Variants in HEATR5A observed in about 807,000 individuals in gnomAD.
HEATR5A encodes HEAT repeat containing 5A, also known as HEAT repeat-containing protein 5A.
In HEATR5A, 178 loss-of-function variants were observed where a neutral mutation model predicts 218.8. The ratio of observed to expected loss-of-function variants is 0.81; its 90% CI spans 0.72 to 0.92. The LOEUF (loss-of-function observed/expected upper bound fraction) is 0.92, where lower values mean the gene tolerates loss of function less well. HEATR5A is among the 40% of genes least tolerant of loss of function. The pLI is 0.00. For missense variants in HEATR5A, 2,420 were observed against 2,418.9 expected (o/e 1.00, Z -0.01); for synonymous variants, 864 against 871.6 (o/e 0.99, Z 0.15).
At chr14:31,405,978 A>T (rs998377275) in intron 1 of HEATR5A, among the ~76,000 whole-genome samples, 1 of 152,212 alleles carries the variant, frequency 6.6e-6, no homozygotes, top group Non-Finnish European at 1.5e-5. Flanking sequence ...AAGGAAGTAG[A>T]CAATTCATGT....
chr14:31,415,165 C>T (rs545933823), intron 1 of HEATR5A, among the ~76,000 whole-genome samples: 1 of 152,150 alleles, frequency 6.6e-6, no homozygotes, highest in African/African-American at 2.4e-5. Flanking sequence ...CACAACCTAC[C>T]TCATAAAATT....
chr14:31,418,796 T>C (rs1374241979), intron 1 of HEATR5A, among the ~76,000 whole-genome samples: 5 of 152,214 alleles, frequency 3.3e-5, no homozygotes, highest in Non-Finnish European at 5.9e-5. Flanking sequence ...TAATTCAGAA[T>C]AATTTTAGAA....
chr14:31,404,899 G>A (rs1252761236), intron 1 of HEATR5A, among the ~76,000 whole-genome samples: 1 of 150,268 alleles, frequency 6.7e-6, no homozygotes, highest in Non-Finnish European at 1.5e-5. Context: ...GGTGAAGAGT[G>A]AGACCCTGTC....
chr14:31,395,252 C>T lies in HEATR5A; in HGVS notation c.544G>A (p.Ala182Thr), dbSNP rs2030610145. ...APCHRDVYKA[A>T]RSCLTDRSMA... The stretch of plus-strand genomic sequence containing the variant: ...GATCTATCTGTCAAGCAGGATCTAG[C>T]AGCTTTATAAACATCCCTGTGACAA... The change falls in exon 5 of 36, where the codon GCT (alanine) becomes ACT (threonine). Residue 182 changes from alanine (A) to threonine (T), a missense_variant. Transcript: ENST00000543095. 1.3e-6 allele frequency: 2 copies of T among 1,533,968 alleles called. No individual in the cohort carries two copies. The highest frequency in any genetic ancestry group is 2.0e-5 in the Admixed American group (1 of 50,966).
chr14:31,327,411 A>T (rs541803043), intron 22 of HEATR5A, among the ~76,000 whole-genome samples: 1 of 147,376 alleles, frequency 6.8e-6, no homozygotes, highest in African/African-American at 2.5e-5. Flanking sequence ...CTCCTGTCTC[A>T]GCCTGCTGAG....
At chr14:31,407,392 A>G (rs147565647) in intron 1 of HEATR5A, among the ~76,000 whole-genome samples, 1 of 152,282 alleles carries the variant, frequency 6.6e-6, no homozygotes, top group African/African-American at 2.4e-5. Flanking sequence ...GCATTAAGAC[A>G]AAGTTAGGGA....
Position 31,402,982 on chromosome 14 carries a change from C to G in HEATR5A, c.-7G>C, listed in dbSNP as rs1000401074. On this transcript the variant is annotated 5_prime_UTR_variant, in exon 2 of 36. Coordinates refer to ENST00000543095, the MANE Select transcript of HEATR5A (RefSeq NM_015473.4). The stretch of plus-strand genomic sequence containing the variant: ...AGCTATGAGCTAATTCCATTCCTTG[C>G]AGCAATCCTCCCAGCTGATCACAGT... 6.5e-7 allele frequency: 1 copy of G among 1,534,940 alleles called. No individual in the cohort carries two copies. Among genetic ancestry groups the G allele is most frequent in the South Asian group, 1.2e-5 (1 of 83,886 alleles).
At chr14:31,353,337 T>C (rs950556777) in intron 16 of HEATR5A, among the ~76,000 whole-genome samples, 4 of 152,232 alleles carry the variant, frequency 2.6e-5, no homozygotes, top group Non-Finnish European at 5.9e-5. Context: ...ACTGAATAGC[T>C]ACTAGTATTG....
chr14:31,348,855 A>G (rs1901108587), intron 18 of HEATR5A, among the ~76,000 whole-genome samples: 1 of 152,208 alleles, frequency 6.6e-6, no homozygotes. Flanking sequence ...ACACATATTC[A>G]GTAGGCTCCA....
intron 2 of HEATR5A, among the ~76,000 whole-genome samples, chr14:31,400,755 C>T (rs1213925216): frequency 6.6e-6 from 1 of 152,038 alleles, no homozygotes; most frequent in Non-Finnish European, 1.5e-5. Flanking sequence ...ACACTGCAAT[C>T]TCTGTTAACA....
chr14:31,418,782 C>T (rs992453884), intron 1 of HEATR5A, among the ~76,000 whole-genome samples: 5 of 152,122 alleles, frequency 3.3e-5, no homozygotes, highest in Non-Finnish European at 7.4e-5. Flanking sequence ...TGTCATTAAA[C>T]GCTTAATTCA....
intron 11 of HEATR5A, 146 bp from the exon 12 acceptor site, chr14:31,375,114 T>A: frequency 1.5e-6 from 1 of 674,680 alleles, no homozygotes; most frequent in Non-Finnish European, 2.5e-6. Context: ...GGTTCCAAAT[T>A]ATTACTGAAT....
At chr14:31,345,838 G>C (rs1901000726) in intron 19 of HEATR5A, among the ~76,000 whole-genome samples, 2 of 152,030 alleles carry the variant, frequency 1.3e-5, no homozygotes, top group South Asian at 4.1e-4. Context: ...TCTTGATTTC[G>C]GGAGGTGGTT....
intron 1 of HEATR5A, among the ~76,000 whole-genome samples, chr14:31,419,452 A>G (rs2031567300): frequency 6.6e-6 from 1 of 152,202 alleles, no homozygotes; most frequent in South Asian, 2.1e-4. Flanking sequence ...TGCTTTCCCT[A>G]CAGCTTAAGT....
At chr14:31,405,610 T>C (rs914804088) in intron 1 of HEATR5A, among the ~76,000 whole-genome samples, 13 of 152,186 alleles carry the variant, frequency 8.5e-5, no homozygotes, top group Non-Finnish European at 1.9e-4. Flanking sequence ...AAATAATTTC[T>C]GGAAGAACCC....
rs769390050 is a variant in HEATR5A, at chr14:31,347,869, T to C, written c.2747A>G (p.His916Arg). ...ATGTAGGGACCCCAAGGCCAATGAG[T>C]GTCCTGTTCTGGTAACCACATCCCT... ...SARDVVTRTG[H>R]SLALGSLHRY... The change falls in exon 19 of 36, where the codon CAC becomes CGC. Residue 916 changes from histidine (H) to arginine (R), a missense_variant. His to Arg is a conservative substitution (Grantham distance 29). Coordinates refer to ENST00000543095, the MANE Select transcript of HEATR5A (RefSeq NM_015473.4). 4.5e-6 allele frequency: 7 copies of C among 1,557,252 alleles called. No homozygotes were observed. The highest frequency in any genetic ancestry group is 5.2e-6 in the Non-Finnish European group (6 of 1,148,556).
At chr14:31,372,664 C>T (rs547826384) in intron 12 of HEATR5A, among the ~76,000 whole-genome samples, 148 of 152,118 alleles carry the variant, frequency 9.7e-4, no homozygotes, top group Middle Eastern at 3.4e-3. Flanking sequence ...CCCATCTCTA[C>T]TAAAAATACA....
intron 26 of HEATR5A, among the ~76,000 whole-genome samples, chr14:31,317,868 T>TATCCATCAATTCAATTTTGGGGGA (rs1899963584): frequency 6.6e-6 from 1 of 152,206 alleles, no homozygotes; most frequent in Non-Finnish European, 1.5e-5. Context: ...ATCCATCAAT[T>TATCCATCAATTCAATTTTGGGGGA]ATCCATCAAT....
intron 1 of HEATR5A, among the ~76,000 whole-genome samples, chr14:31,415,673 T>G (rs1225675850): frequency 6.6e-6 from 1 of 152,226 alleles, no homozygotes; most frequent in Non-Finnish European, 1.5e-5. Flanking sequence ...GGTGATTCAA[T>G]GGGTAACTTC....
Sources: gnomAD v4.1 joint callset for allele counts (sites outside exome capture counted in the v4.1 genomes callset) on GRCh38, gnomAD v4.1.1 for gene constraint, MANE v1.5 for transcripts, NCBI Gene and HGNC (gene_info 2026-07-23, HGNC 2026-07-21) for gene names.